The following ZFAT variants were observed in gnomAD, a reference collection of about 807,000 sequenced individuals.
The protein encoded by ZFAT is zinc finger protein ZFAT.
A neutral mutation model predicts 117.7 loss-of-function variants in ZFAT; 64 were observed. The observed-to-expected ratio is 0.54, with a 90% CI of 0.44 to 0.67. ZFAT has a LOEUF of 0.67. ZFAT is among the 30% of genes least tolerant of loss of function. ZFAT has a pLI of 0.00. For synonymous variants in ZFAT, 679 were observed against 615.0 expected, an observed-to-expected ratio of 1.10 and a Z score of -1.54; for missense variants, 1,433 against 1,584.5, an observed-to-expected ratio of 0.90 and a Z score of 1.62.
chr8:134,684,673 C>CA (rs1401496682), intron 1 of ZFAT, among the ~76,000 whole-genome samples: 2 of 152,072 alleles, frequency 1.3e-5, no homozygotes, highest in Non-Finnish European at 2.9e-5. Context: ...TAAAATGACC[C>CA]AAAAAATAAA....
chr8:134,706,851 A>G (rs1045941432), intron 1 of ZFAT, among the ~76,000 whole-genome samples: 2 of 151,526 alleles, frequency 1.3e-5, no homozygotes, highest in Non-Finnish European at 2.9e-5. Flanking sequence ...CTTAAGGTCT[A>G]TGCATTTCAG....
intron 3 of ZFAT, among the ~76,000 whole-genome samples, chr8:134,616,787 A>G (rs756218112): frequency 6.6e-6 from 1 of 152,180 alleles, no homozygotes; most frequent in Non-Finnish European, 1.5e-5. Context: ...GCAGAGAGGT[A>G]GTGGGCATGC....
intron 2 of ZFAT, among the ~76,000 whole-genome samples, chr8:134,656,107 T>G (rs1362000791): frequency 6.6e-6 from 1 of 152,124 alleles, no homozygotes; most frequent in Non-Finnish European, 1.5e-5. Context: ...TCACAAAGCT[T>G]CTGGCCAGGG....
intron 10 of ZFAT, among the ~76,000 whole-genome samples, chr8:134,569,407 C>T (rs1414305943): frequency 1.3e-5 from 2 of 152,144 alleles, no homozygotes; most frequent in African/African-American, 4.8e-5. Context: ...GGGTGTGATA[C>T]AATTTCCGAA....
upstream of ZFAT, among the ~76,000 whole-genome samples, chr8:134,717,559 C>G (rs1586985823): frequency 7.5e-6 from 1 of 132,730 alleles, no homozygotes; most frequent in Non-Finnish European, 1.5e-5. Context: ...TCTCGGCTCA[C>G]TGCAAGCTCT....
At chr8:134,722,931 A>C in the ZFAT span, 1 of 152,300 alleles carries the variant, frequency 6.6e-6, no homozygotes, top group African/African-American at 2.4e-5. Context: ...TCATATTCCA[A>C]AAGTGGAAAT....
Position 134,478,155 on chromosome 8 carries a change from G to A in ZFAT, c.*327C>T. 1 of 338,662 alleles carries A rather than the reference G, an allele frequency of 3.0e-6. No homozygotes were observed. The highest frequency in any genetic ancestry group is 5.5e-6 in the Non-Finnish European group (1 of 181,256). 21.0% of individuals were successfully genotyped at this position (338,662 alleles called of 1,614,324 possible). A position where few individuals can be genotyped will look rare whatever the true frequency, so the allele number is the denominator to read the frequency against. On this transcript the variant is annotated 3_prime_UTR_variant, in exon 16 of 16. Coordinates refer to ENST00000377838, the MANE Select transcript of ZFAT (RefSeq NM_020863.4). The surrounding 1 kb of genome is among the most constrained non-coding windows in gnomAD (Gnocchi z 5.2). ...GTGATTCAGGGAAGATGCTGAGGGGGACTGGGAGTCTCTGTTTGAATCTTG... is the reference window on the plus strand; with the variant it reads ...GTGATTCAGGGAAGATGCTGAGGGGAACTGGGAGTCTCTGTTTGAATCTTG...
At chr8:134,523,509 T>C (rs1208780053) in intron 12 of ZFAT, among the ~76,000 whole-genome samples, 1 of 152,202 alleles carries the variant, frequency 6.6e-6, no homozygotes, top group Non-Finnish European at 1.5e-5. Flanking sequence ...TCTCAGCAGC[T>C]ATTGTCTATC....
the ZFAT span, among the ~76,000 whole-genome samples, chr8:134,779,818 T>C: frequency 6.6e-6 from 1 of 152,176 alleles, no homozygotes; most frequent in African/African-American, 2.4e-5. Context: ...CATCAATCTT[T>C]ATATCTTCCA....
At chr8:134,539,527 G>T (rs1478172808) in intron 11 of ZFAT, among the ~76,000 whole-genome samples, 1 of 152,204 alleles carries the variant, frequency 6.6e-6, no homozygotes, top group African/African-American at 2.4e-5. Context: ...TGTGAAATCT[G>T]GGGTCATACA....
At chr8:134,491,693 G>A (rs980091648) in intron 15 of ZFAT, among the ~76,000 whole-genome samples, 21 of 152,122 alleles carry the variant, frequency 1.4e-4, no homozygotes, top group African/African-American at 5.1e-4. Context: ...TCATCTCTCT[G>A]GTTCTGACCC....
chr8:134,599,815 C>A (rs1350067677), intron 7 of ZFAT: 1 of 453,680 alleles, frequency 2.2e-6, no homozygotes, highest in Admixed American at 2.4e-5. Flanking sequence ...TTAGAATTTG[C>A]AAAAATAAGC....
intron 5 of ZFAT, among the ~76,000 whole-genome samples, chr8:134,607,154 C>A (rs895583441): frequency 6.6e-5 from 10 of 152,134 alleles, no homozygotes; most frequent in Non-Finnish European, 1.0e-4. Flanking sequence ...AGCTGAACCT[C>A]CCCGCCAACA....
At chr8:134,487,451 T>A (rs1013652391) in intron 15 of ZFAT, among the ~76,000 whole-genome samples, 1 of 151,544 alleles carries the variant, frequency 6.6e-6, no homozygotes, top group Non-Finnish European at 1.5e-5. Context: ...GCTCAGAGAG[T>A]CGATGTGAGC....
At chr8:134,712,812 C>G in intron 1 of ZFAT, 33 bp downstream of exon 1, 2 of 1,187,506 alleles carry the variant, frequency 1.7e-6, no homozygotes, top group Non-Finnish European at 2.3e-6. Flanking sequence ...CCCACCCCCA[C>G]CCCGTCTCAC....
chr8:134,773,991 T>G, the ZFAT span, among the ~76,000 whole-genome samples: 1 of 118,500 alleles, frequency 8.4e-6, no homozygotes, highest in Non-Finnish European at 1.7e-5. Context: ...TTAATTTTTT[T>G]TTTTTTTTTT....
At chr8:134,492,733 A>G (rs1818139783) in intron 15 of ZFAT, among the ~76,000 whole-genome samples, 2 of 152,238 alleles carry the variant, frequency 1.3e-5, no homozygotes, top group Non-Finnish European at 2.9e-5. Context: ...AACAGCAAAC[A>G]CAATCCTGAA....
chr8:134,583,895 A>C lies in ZFAT; in HGVS notation c.2824T>G (p.Cys942Gly). ...STEKTHLCDM[C>G]GKKFKSKGTL... ...CCTTTTGATTTGAATTTCTTGCCAC[A>C]CATGTCACATAGGTGGGTTTTCTCA... The change falls in exon 10 of 16, where the codon TGT (cysteine) becomes GGT (glycine). Residue 942 changes from cysteine to glycine, a missense_variant. Physicochemically the swap from Cys to Gly is radical, Grantham distance 159. Around this residue, in one of 5 missense-constraint regions of ZFAT, gnomAD observed 503 missense variants for 543.4 expected, o/e 0.93. Coordinates refer to ENST00000377838, the MANE Select transcript of ZFAT (RefSeq NM_020863.4). 6.2e-7 allele frequency: 1 copy of C among 1,612,042 alleles called. No individual in the cohort carries two copies. Among genetic ancestry groups the C allele is most frequent in the Non-Finnish European group, 8.5e-7 (1 of 1,179,144 alleles).
At chr8:134,585,254 G>A (rs989885390) in intron 9 of ZFAT, among the ~76,000 whole-genome samples, 2 of 152,048 alleles carry the variant, frequency 1.3e-5, no homozygotes, top group Non-Finnish European at 2.9e-5. Context: ...TCTGTATCTC[G>A]CATTACCCTC....
Sources: allele counts gnomAD v4.1 joint callset (sites outside exome capture counted in the v4.1 genomes callset), GRCh38; gene constraint gnomAD v4.1.1; regional missense constraint gnomAD v4.1.1; non-coding constraint Gnocchi (gnomAD v3.1); transcripts MANE v1.5; gene names NCBI Gene and HGNC (gene_info 2026-07-23, HGNC 2026-07-21).